The following NAV2 variants were observed in gnomAD, a reference collection of about 807,000 sequenced individuals.
NAV2 encodes the protein neuron navigator 2, also known as helicase, APC down-regulated 1.
Under a neutral mutation model 223.2 loss-of-function variants are expected in NAV2, and 54 were observed. The ratio of observed to expected loss-of-function variants is 0.24; its 90% CI spans 0.19 to 0.30. The LOEUF (loss-of-function observed/expected upper bound fraction) is 0.30, where lower values mean the gene tolerates loss of function less well. NAV2 is among the 10% of genes least tolerant of loss of function. The pLI, the probability that NAV2 is intolerant of heterozygous loss-of-function variation, is 1.00. For synonymous variants in NAV2, 1,279 were observed against 1,239.3 expected (o/e 1.03, Z -0.67); for missense variants, 2,806 against 3,147.5 (o/e 0.89, Z 2.60).
At chr11:19,922,808 G>A (rs543785919) in intron 6 of NAV2, among the ~76,000 whole-genome samples, 26 of 152,154 alleles carry the variant, frequency 1.7e-4, no homozygotes, top group African/African-American at 4.8e-4. Flanking sequence ...TGTGGTCTGG[G>A]CTGTGTGCAG....
rs538444597 is a variant in NAV2 at position 20,118,188 on chromosome 11, A to G, written c.7220A>G (p.Tyr2407Cys). 3 of 1,614,036 alleles carry G rather than the reference A, an allele frequency of 1.9e-6. No homozygotes were observed. Among genetic ancestry groups the G allele is most frequent in the African/African-American group, 1.3e-5 (1 of 75,018 alleles). ...GCCAACTACTCCAGCCCCCAGAGCT[A>G]TGACAGCGACTCCAACAGCAACAGC... ...EAANYSSPQSYDSDSNSNSHH... is the reference protein window; with the variant it reads ...EAANYSSPQSCDSDSNSNSHH... The change falls in exon 38 of 38, where the codon TAT becomes TGT. Residue 2407 changes from tyrosine (Y) to cysteine (C), a missense_variant. Coordinates refer to ENST00000349880, the MANE Select transcript of NAV2 (RefSeq NM_145117.5).
At chr11:19,562,284 T>A (rs1460520235) in intron 1 of NAV2, among the ~76,000 whole-genome samples, 2 of 152,154 alleles carry the variant, frequency 1.3e-5, no homozygotes. Context: ...CATGACAGAA[T>A]CAAGTTATTA....
chr11:20,049,122 A>G lies in NAV2; in HGVS notation c.4297A>G (p.Ile1433Val), dbSNP rs61739975. Reference protein sequence around the residue: ...VPSHNSSTGLIASSKDDSLTP... With the variant: ...VPSHNSSTGLVASSKDDSLTP... ...CAGCCACAATTCTTCCACTGGCCTC[A>G]TCGCCTCCTCCAAGGACGACTCCTT... is the stretch of plus-strand genomic sequence containing the variant. The change falls in exon 15 of 38, where the codon ATC becomes GTC. Residue 1433 changes from isoleucine to valine, a missense_variant. Ile to Val is a conservative substitution (Grantham distance 29). Transcript: ENST00000349880. 34,586 of 1,614,002 alleles carry G rather than the reference A, an allele frequency of 0.021. 457 individuals are homozygous for G. The highest frequency in any genetic ancestry group is 0.025 in the Non-Finnish European group (29,899 of 1,179,958).
At chr11:19,782,842 A>T (rs1293584340) in intron 1 of NAV2, among the ~76,000 whole-genome samples, 3 of 152,206 alleles carry the variant, frequency 2.0e-5, no homozygotes, top group Non-Finnish European at 2.9e-5. Context: ...GAGTTGACAG[A>T]TATTGTTTAA....
intron 1 of NAV2, among the ~76,000 whole-genome samples, chr11:19,545,690 G>A (rs1014039799): frequency 2.6e-5 from 4 of 152,276 alleles, no homozygotes; most frequent in African/African-American, 9.6e-5. Context: ...CCAACCCGCG[G>A]CCCAGGGTGG....
chr11:19,570,163 A>T (rs1437505370), intron 1 of NAV2, among the ~76,000 whole-genome samples: 5 of 152,160 alleles, frequency 3.3e-5, no homozygotes, highest in Non-Finnish European at 7.3e-5. Flanking sequence ...AGGCTGAATG[A>T]TAGGCATCTT....
intron 11 of NAV2, among the ~76,000 whole-genome samples, chr11:19,994,333 G>T (rs893924964): frequency 6.6e-6 from 1 of 152,058 alleles, no homozygotes; most frequent in Non-Finnish European, 1.5e-5. Context: ...GATCACCTAA[G>T]GTCAGGAGTT....
At chr11:19,573,997 T>C (rs982661064) in intron 1 of NAV2, among the ~76,000 whole-genome samples, 1 of 152,160 alleles carries the variant, frequency 6.6e-6, no homozygotes, top group African/African-American at 2.4e-5. Context: ...CAGGGCTCCT[T>C]CCAGCAACTT....
At chr11:19,884,268 C>T in intron 5 of NAV2, 1 of 1,569,472 alleles carries the variant, frequency 6.4e-7, no homozygotes, top group Admixed American at 1.7e-5. Context: ...TTCAGCTCTT[C>T]CACTTTTTTC....
chr11:20,079,133 T>C (rs1175825707), intron 24 of NAV2, among the ~76,000 whole-genome samples: 2 of 152,076 alleles, frequency 1.3e-5, no homozygotes, highest in East Asian at 3.9e-4. Flanking sequence ...CTCTGCCTCC[T>C]GCGTTCAAGT....
At chr11:20,073,284 C>A (rs1310477019) in intron 22 of NAV2, among the ~76,000 whole-genome samples, 1 of 152,126 alleles carries the variant, frequency 6.6e-6, no homozygotes, top group Non-Finnish European at 1.5e-5. Context: ...AGGGATGAAG[C>A]CCACTTGATC....
rs71050690 is a variant in NAV2 at position 19,895,104 on chromosome 11, C to CTTTTTTTTTT, written c.931+2524_931+2533dup. 1.9e-3 allele frequency among the ~76,000 whole-genome samples: 186 copies of CTTTTTTTTTT among 99,220 alleles called. 1 individual carries two copies. Among genetic ancestry groups the CTTTTTTTTTT allele is most frequent in the East Asian group, 3.6e-3 (11 of 3,018 alleles). 65.1% of individuals were successfully genotyped at this position (99,220 alleles called of 152,430 possible). On this transcript the variant is annotated intron_variant, in intron 6 of 37. Transcript: ENST00000349880. ...CTTTCTTTTCTTTTTCTTTTTCTTT[C>CTTTTTTTTTT]TTTTTTTTTTTTTTTTTTTTTTTGA... is the stretch of plus-strand genomic sequence containing the variant.
intron 1 of NAV2, among the ~76,000 whole-genome samples, chr11:19,367,212 T>C (rs1284207370): frequency 6.6e-6 from 1 of 152,226 alleles, no homozygotes; most frequent in African/African-American, 2.4e-5. Flanking sequence ...GTGATTGTGC[T>C]GACCTATTTG....
intron 6 of NAV2, among the ~76,000 whole-genome samples, chr11:19,928,366 A>T (rs745312678): frequency 1.3e-5 from 2 of 152,226 alleles, no homozygotes; most frequent in East Asian, 1.9e-4. Flanking sequence ...AAAAATATTC[A>T]TGTGCCATCC....
intron 1 of NAV2, among the ~76,000 whole-genome samples, chr11:19,753,381 CA>C (rs1398887112): frequency 2.0e-5 from 3 of 152,090 alleles, no homozygotes; most frequent in Non-Finnish European, 2.9e-5. Context: ...CCCAAGCATA[CA>C]TTTTTTTATA....
chr11:19,983,627 C>T (rs1330472743), intron 10 of NAV2, among the ~76,000 whole-genome samples: 1 of 152,176 alleles, frequency 6.6e-6, no homozygotes, highest in Non-Finnish European at 1.5e-5. Flanking sequence ...GGAAGGGACT[C>T]GCCTGTGATG....
chr11:19,658,793 C>T (rs537154749), intron 1 of NAV2, among the ~76,000 whole-genome samples: 1 of 152,270 alleles, frequency 6.6e-6, no homozygotes, highest in African/African-American at 2.4e-5. Context: ...TCAGAAAATT[C>T]TACAAAGCAG....
In NAV2 at chr11:19,431,981, T is replaced by G. The variant is rs1178690380; in HGVS notation, c.75+80954T>G. ...GGGAGGCCAAGGCTGGCCGATCACCTGAGGTCAGGAGTTCGAGACCAGCCT... is the reference window on the plus strand; with the variant it reads ...GGGAGGCCAAGGCTGGCCGATCACCGGAGGTCAGGAGTTCGAGACCAGCCT... On this transcript the variant is annotated intron_variant, in intron 1 of 37. Coordinates refer to the NAV2 transcript ENST00000360655. Among the ~76,000 whole-genome samples, 3 of 152,182 alleles carry G rather than the reference T, an allele frequency of 2.0e-5. No individual in the cohort carries two copies. In the East Asian group the frequency reaches 5.8e-4, roughly 29 times the overall value.
chr11:19,365,880 A>C (rs1335823444), intron 1 of NAV2, among the ~76,000 whole-genome samples: 1 of 152,218 alleles, frequency 6.6e-6, no homozygotes, highest in Non-Finnish European at 1.5e-5. Flanking sequence ...AACAATAAGC[A>C]TCTGGACAAA....
Sources: allele counts gnomAD v4.1 joint callset (sites outside exome capture counted in the v4.1 genomes callset), GRCh38; gene constraint gnomAD v4.1.1; transcripts MANE v1.5; gene names NCBI Gene and HGNC (gene_info 2026-07-23, HGNC 2026-07-21).